The following ZBTB7C variants were observed in gnomAD, a reference collection of about 807,000 sequenced individuals.
ZBTB7C encodes the protein zinc finger and BTB domain containing 7C, also known as zinc finger and BTB domain-containing protein 7C.
A neutral mutation model predicts 25.7 loss-of-function variants in ZBTB7C; 8 were observed. The ratio of observed to expected loss-of-function variants is 0.31; its 90% CI spans 0.18 to 0.56. The LOEUF (loss-of-function observed/expected upper bound fraction) is 0.56. Ranked by LOEUF, ZBTB7C falls within the 20% of genes least tolerant of loss-of-function variation. ZBTB7C has a pLI of 0.91. For missense variants in ZBTB7C, 824 were observed against 855.2 expected (o/e 0.96, Z 0.46); for synonymous variants, 394 against 369.0 (o/e 1.07, Z -0.78).
intron 3 of ZBTB7C, among the ~76,000 whole-genome samples, chr18:48,178,847 C>T (rs552650053): frequency 6.6e-6 from 1 of 152,238 alleles, no homozygotes; most frequent in Admixed American, 6.5e-5. Context: ...CAGGACAAAG[C>T]AGTGGAGCCC....
intron 3 of ZBTB7C, among the ~76,000 whole-genome samples, chr18:48,100,768 G>A (rs2038800312): frequency 6.6e-6 from 1 of 152,196 alleles, no homozygotes; most frequent in South Asian, 2.1e-4. Flanking sequence ...GCAACCCCCT[G>A]GGGAATGGGG....
At chr18:48,243,696 A>C (rs1305354945) in intron 2 of ZBTB7C, among the ~76,000 whole-genome samples, 2 of 152,204 alleles carry the variant, frequency 1.3e-5, no homozygotes, top group Non-Finnish European at 2.9e-5. Context: ...TATGGAACTA[A>C]AAAAGAGCTC....
chr18:48,384,405 A>G (rs1306914103), intron 1 of ZBTB7C, among the ~76,000 whole-genome samples: 2 of 152,224 alleles, frequency 1.3e-5, no homozygotes, highest in Non-Finnish European at 2.9e-5. Context: ...AGCTATATAG[A>G]GGCAGGAAGA....
chr18:48,156,711 A>C (rs1002830596), intron 3 of ZBTB7C, among the ~76,000 whole-genome samples: 1 of 152,194 alleles, frequency 6.6e-6, no homozygotes, highest in African/African-American at 2.4e-5. Flanking sequence ...GTCCATTTCC[A>C]TCATTATACC....
chr18:48,158,173 C>T (rs1200107003), intron 3 of ZBTB7C, among the ~76,000 whole-genome samples: 1 of 152,210 alleles, frequency 6.6e-6, no homozygotes, highest in Non-Finnish European at 1.5e-5. Context: ...ACACTGGCTC[C>T]CAGCCCTGTT....
At chr18:48,292,126 A>T (rs142988763) in intron 2 of ZBTB7C, among the ~76,000 whole-genome samples, 1,857 of 151,920 alleles carry the variant, frequency 0.012, 38 homozygotes, top group African/African-American at 0.042. Flanking sequence ...TGAACCTGGG[A>T]GGCGGAGGTT....
chr18:48,333,977 C>T (rs898640810), intron 2 of ZBTB7C, among the ~76,000 whole-genome samples: 1 of 152,200 alleles, frequency 6.6e-6, no homozygotes, highest in African/African-American at 2.4e-5. Context: ...CACCCACCTG[C>T]ACCTCCTGAT....
intron 1 of ZBTB7C, among the ~76,000 whole-genome samples, chr18:48,342,344 C>G (rs1303291458): frequency 1.3e-5 from 2 of 152,254 alleles, no homozygotes; most frequent in Admixed American, 1.3e-4. Flanking sequence ...TAAATATGAG[C>G]TTGGCACAAA....
rs895160165 is a variant in ZBTB7C at position 48,029,571 on chromosome 18, G to A, written c.1549C>T (p.His517Tyr). ...AGGCACACAGCTGCGCCGCCCAGGTGGCCGCCCACCTCGCCCAGCGCAGGG... is the reference window on the plus strand; with the variant it reads ...AGGCACACAGCTGCGCCGCCCAGGTAGCCGCCCACCTCGCCCAGCGCAGGG... ...MPPALGEVGGHLGGAAVCLPG... is the reference protein window; with the variant it reads ...MPPALGEVGGYLGGAAVCLPG... Residue 517 changes from histidine (H) to tyrosine (Y), a missense_variant, in exon 5 of 5, where the codon CAC becomes TAC. Transcript: ENST00000590800. 3 of 1,505,000 alleles carry A rather than the reference G, an allele frequency of 2.0e-6. No individual in the cohort carries two copies. Among genetic ancestry groups the A allele is most frequent in the Admixed American group, 4.8e-5 (2 of 42,060 alleles). The allele number at this position is 1,505,000 out of a possible 1,614,324, so 93.2% of individuals were successfully genotyped here.
intron 3 of ZBTB7C, among the ~76,000 whole-genome samples, chr18:48,136,356 G>T (rs1345018066): frequency 6.6e-6 from 1 of 152,192 alleles, no homozygotes; most frequent in Non-Finnish European, 1.5e-5. Context: ...GTCCAGGGAA[G>T]AGCCCCCCAC....
chr18:48,362,399 G>A (rs11661645), intron 1 of ZBTB7C, among the ~76,000 whole-genome samples: 46,806 of 152,102 alleles, frequency 0.31, 7,971 homozygotes, highest in East Asian at 0.69. Context: ...ATTAGGTCAC[G>A]AAGGTGGAGC....
intron 3 of ZBTB7C, among the ~76,000 whole-genome samples, chr18:48,053,792 A>C (rs988067367): frequency 1.4e-4 from 22 of 152,218 alleles, no homozygotes; most frequent in African/African-American, 4.6e-4. Flanking sequence ...CAGTAAAGAC[A>C]AGACCTAAAA....
chr18:48,325,959 A>C (rs2046208820), intron 2 of ZBTB7C, among the ~76,000 whole-genome samples: 1 of 152,144 alleles, frequency 6.6e-6, no homozygotes, highest in South Asian at 2.1e-4. Flanking sequence ...ATTATCTAAC[A>C]GCTCAGGAAG....
chr18:48,402,784 G>A (rs1442687568), intron 1 of ZBTB7C, among the ~76,000 whole-genome samples: 1 of 152,108 alleles, frequency 6.6e-6, no homozygotes, highest in Non-Finnish European at 1.5e-5. Context: ...AAGACTGGAA[G>A]GAAATATACC....
chr18:48,099,822 C>T (rs921658489), intron 3 of ZBTB7C, among the ~76,000 whole-genome samples: 14 of 152,218 alleles, frequency 9.2e-5, no homozygotes, highest in Non-Finnish European at 1.3e-4. Context: ...GCTCTGTTAA[C>T]GGCCTCAGTT....
chr18:48,278,718 G>A (rs997468854), intron 2 of ZBTB7C, among the ~76,000 whole-genome samples: 16 of 152,046 alleles, frequency 1.1e-4, no homozygotes, highest in Non-Finnish European at 2.1e-4. Context: ...ATGAGCCACC[G>A]CGTCCAGCCA....
chr18:48,305,791 G>A (rs2045658657), intron 2 of ZBTB7C, among the ~76,000 whole-genome samples: 1 of 152,064 alleles, frequency 6.6e-6, no homozygotes, highest in South Asian at 2.1e-4. Flanking sequence ...TGAGGCTCAG[G>A]GAGCTCAAGT....
intron 3 of ZBTB7C, among the ~76,000 whole-genome samples, chr18:48,090,638 T>C (rs1024365433): frequency 2.0e-5 from 3 of 152,192 alleles, no homozygotes; most frequent in Admixed American, 6.5e-5. Flanking sequence ...CCCAGGCCTA[T>C]CTGTCCAGCC....
intron 2 of ZBTB7C, among the ~76,000 whole-genome samples, chr18:48,227,301 GC>G (rs1389801359): frequency 6.6e-6 from 1 of 152,224 alleles, no homozygotes; most frequent in East Asian, 1.9e-4. Flanking sequence ...CATGTGTACG[GC>G]CTGGCAGTTT....
Sources: gnomAD v4.1 joint callset for allele counts (sites outside exome capture counted in the v4.1 genomes callset) on GRCh38, gnomAD v4.1.1 for gene constraint, MANE v1.5 for transcripts, NCBI Gene and HGNC (gene_info 2026-07-23, HGNC 2026-07-21) for gene names.